Variants in RBM20 observed in about 807,000 individuals in gnomAD.
RBM20 encodes the protein RNA-binding protein 20.
A neutral mutation model predicts 110.1 loss-of-function variants in RBM20; 51 were observed. That is an observed-to-expected ratio of 0.46 (90% CI 0.37 to 0.59). The LOEUF is 0.59. RBM20 is among the 20% of genes least tolerant of loss of function. RBM20 has a pLI of 0.00. For missense variants in RBM20, 1,512 were observed against 1,574.9 expected (o/e 0.96, Z 0.68); for synonymous variants, 589 against 618.2 (o/e 0.95, Z 0.70).
At chr10:110,696,628 C>T (rs1355501995) in intron 1 of RBM20, among the ~76,000 whole-genome samples, 6 of 152,082 alleles carry the variant, frequency 3.9e-5, no homozygotes, top group South Asian at 2.1e-4. Flanking sequence ...CAAGCGCAAC[C>T]GTGGGCTGGG....
intron 1 of RBM20, among the ~76,000 whole-genome samples, chr10:110,747,662 G>A (rs1044865037): frequency 2.0e-5 from 3 of 152,132 alleles, no homozygotes; most frequent in African/African-American, 7.2e-5. Context: ...TACTTGGCTG[G>A]GACCAAAAGT....
At chr10:110,769,678 C>T (rs1844159613) in intron 1 of RBM20, among the ~76,000 whole-genome samples, 1 of 152,014 alleles carries the variant, frequency 6.6e-6, no homozygotes, top group Non-Finnish European at 1.5e-5. Context: ...GTAGAAGTAG[C>T]TCATTAAAAT....
intron 1 of RBM20, among the ~76,000 whole-genome samples, chr10:110,776,840 A>G (rs939202730): frequency 5.3e-5 from 8 of 152,254 alleles, no homozygotes; most frequent in African/African-American, 1.9e-4. Flanking sequence ...CTGAACTTAG[A>G]CAGAGAAAGA....
rs761265578 is a variant in RBM20, at chr10:110,812,726, G to A, written c.2329G>A (p.Asp777Asn). 1 of 1,551,750 alleles carries A rather than the reference G, an allele frequency of 6.4e-7. No individual in the cohort carries two copies. Among genetic ancestry groups the A allele is most frequent in the Non-Finnish European group, 8.7e-7 (1 of 1,147,002 alleles). ...GGACAAGTATCTGAAGCAGCAGCAG[G>A]ATGCCCCCGGGAGGTCCAGGAGGAA... ...KSDKYLKQQQ[D>N]APGRSRRKDE... is the part of the protein sequence containing the mutation. Residue 777 changes from aspartate to asparagine, a missense_variant, in exon 9 of 14, where the codon GAT becomes AAT. Coordinates refer to ENST00000369519, the MANE Select transcript of RBM20 (RefSeq NM_001134363.3).
chr10:110,792,749 A>T (rs1326652509), intron 5 of RBM20, among the ~76,000 whole-genome samples: 3 of 152,220 alleles, frequency 2.0e-5, no homozygotes, highest in African/African-American at 7.2e-5. Flanking sequence ...AGAATTATTC[A>T]TGGAGCTGCA....
Position 110,818,307 on chromosome 10 carries a change from AC to A in RBM20, c.2551-1763del, listed in dbSNP as rs879268443. ...ACTCCATCTCAAAAAAAAAAAAAAA[AC>A]CAAAACGACAATATGGTGAGGATGT... is the stretch of plus-strand genomic sequence containing the variant. On this transcript the variant is annotated intron_variant, in intron 9 of 13. Transcript: ENST00000369519. Among the ~76,000 whole-genome samples, 47 of 138,462 alleles carry A rather than the reference AC, an allele frequency of 3.4e-4. 2 individuals are homozygous for A. The highest frequency in any genetic ancestry group is 8.8e-4 in the African/African-American group (35 of 39,852). 90.8% of individuals were successfully genotyped at this position (138,462 alleles called of 152,430 possible).
chr10:110,658,095 G>A (rs920861106), intron 1 of RBM20, among the ~76,000 whole-genome samples: 3 of 151,892 alleles, frequency 2.0e-5, no homozygotes, highest in African/African-American at 4.8e-5. Context: ...CATGGAAGTC[G>A]GGACACAAGA....
intron 1 of RBM20, among the ~76,000 whole-genome samples, chr10:110,648,649 T>G (rs1448511829): frequency 6.6e-6 from 1 of 151,838 alleles, no homozygotes; most frequent in Non-Finnish European, 1.5e-5. Context: ...AAACTGCACA[T>G]AAGACAAGCA....
intron 1 of RBM20, among the ~76,000 whole-genome samples, chr10:110,769,098 T>A (rs1271043509): frequency 6.6e-6 from 1 of 152,228 alleles, no homozygotes; most frequent in African/African-American, 2.4e-5. Flanking sequence ...ACAATTGTTC[T>A]CCTGGGGAGC....
intron 1 of RBM20, among the ~76,000 whole-genome samples, chr10:110,727,415 A>AT (rs34471553): frequency 0.19 from 8,803 of 46,384 alleles, 395 homozygotes; most frequent in East Asian, 0.57. Flanking sequence ...ATAAAAATAA[A>AT]AAAAAAATAA....
At chr10:110,756,371 G>C (rs1409915391) in intron 1 of RBM20, 1 of 152,196 alleles carries the variant, frequency 6.6e-6, no homozygotes, top group African/African-American at 2.4e-5. Context: ...CGTGCCCTCA[G>C]AACGCTTCTA....
intron 7 of RBM20, among the ~76,000 whole-genome samples, chr10:110,800,290 T>C (rs1163963562): frequency 6.6e-6 from 1 of 151,840 alleles, no homozygotes; most frequent in African/African-American, 2.4e-5. Context: ...TCTTCTTCTG[T>C]CACCCCCTTG....
Position 110,812,669 on chromosome 10 carries a change from G to T in RBM20, c.2272G>T (p.Gly758Cys). The T allele has an allele frequency of 6.4e-7, 1 of 1,551,694 alleles. No homozygotes were observed. The highest frequency in any genetic ancestry group is 8.7e-7 in the Non-Finnish European group (1 of 1,146,998). ...GTCCAGCTACAAAAGCCGTGAAGAC[G>T]GCTACTACCGGAAAGAGCCCAAAGC... ...SVSSYKSRED[G>C]YYRKEPKAKS... Residue 758 changes from glycine to cysteine, a missense_variant, in exon 9 of 14, where the codon GGC becomes TGC. Physicochemically the swap from Gly to Cys is radical, Grantham distance 159. Coordinates refer to ENST00000369519, the MANE Select transcript of RBM20 (RefSeq NM_001134363.3).
At chr10:110,746,162 G>A (rs769867180) in intron 1 of RBM20, among the ~76,000 whole-genome samples, 1 of 152,164 alleles carries the variant, frequency 6.6e-6, no homozygotes, top group Non-Finnish European at 1.5e-5. Flanking sequence ...TGCTGAAGGA[G>A]GCTGGTGCGG....
intron 1 of RBM20, among the ~76,000 whole-genome samples, chr10:110,687,104 G>C (rs1725164949): frequency 6.6e-6 from 1 of 151,694 alleles, no homozygotes. Context: ...TTCTAGTACT[G>C]TCCCAGTTCA....
intron 1 of RBM20, among the ~76,000 whole-genome samples, chr10:110,746,203 G>A (rs192839217): frequency 6.6e-6 from 1 of 152,280 alleles, no homozygotes; most frequent in South Asian, 2.1e-4. Context: ...TCTTCCAAGA[G>A]GGTGAGGGGC....
intron 1 of RBM20, among the ~76,000 whole-genome samples, chr10:110,754,889 C>G (rs1000763014): frequency 6.6e-6 from 1 of 152,194 alleles, no homozygotes; most frequent in Admixed American, 6.5e-5. Context: ...GATCTATTTT[C>G]TGATACGCCT....
At chr10:110,685,040 TAG>T (rs1862481933) in intron 1 of RBM20, among the ~76,000 whole-genome samples, 1 of 152,126 alleles carries the variant, frequency 6.6e-6, no homozygotes, top group Non-Finnish European at 1.5e-5. Flanking sequence ...TGAATTGCGG[TAG>T]AGAGTGTTGT....
intron 1 of RBM20, among the ~76,000 whole-genome samples, chr10:110,725,337 T>A (rs1438055316): frequency 6.6e-6 from 1 of 152,218 alleles, no homozygotes; most frequent in African/African-American, 2.4e-5. Context: ...CTGAAACCCA[T>A]CCATGGACCC....
Sources: gnomAD v4.1 joint callset for allele counts (sites outside exome capture counted in the v4.1 genomes callset) on GRCh38, gnomAD v4.1.1 for gene constraint, MANE v1.5 for transcripts, NCBI Gene and HGNC (gene_info 2026-07-23, HGNC 2026-07-21) for gene names.